CPEB3: variants seen among roughly 807,000 people sequenced by gnomAD.
CPEB3 encodes cytoplasmic polyadenylation element-binding protein 3.
In CPEB3, 20 loss-of-function variants were observed where a neutral mutation model predicts 67.2. The observed-to-expected ratio is 0.30, with a 90% CI of 0.21 to 0.43. The LOEUF is 0.43. Ranked by LOEUF, CPEB3 falls within the 20% of genes least tolerant of loss-of-function variation. CPEB3 has a pLI of 1.00. For missense variants in CPEB3, 746 were observed against 968.6 expected, an observed-to-expected ratio of 0.77 and a Z score of 3.05; for synonymous variants, 376 against 393.1, an observed-to-expected ratio of 0.96 and a Z score of 0.51.
intron 2 of CPEB3, among the ~76,000 whole-genome samples, chr10:92,206,951 GA>G (rs1381171766): frequency 6.6e-6 from 1 of 152,030 alleles, no homozygotes; most frequent in Non-Finnish European, 1.5e-5. Flanking sequence ...TCAGCTTAAT[GA>G]ATAAGAAACA....
At chr10:92,200,909 C>T (rs868082895) in intron 2 of CPEB3, among the ~76,000 whole-genome samples, 7 of 152,112 alleles carry the variant, frequency 4.6e-5, no homozygotes, top group African/African-American at 1.4e-4. Context: ...ACATGGCTCT[C>T]GGAATTACCT....
At chr10:92,120,098 C>CAAAAAAAA (rs34785763) in intron 6 of CPEB3, among the ~76,000 whole-genome samples, 32 of 45,244 alleles carry the variant, frequency 7.1e-4, no homozygotes, top group Admixed American at 9.5e-4. Flanking sequence ...ACTAAAAATA[C>CAAAAAAAA]AAAAAAAAAA....
intron 6 of CPEB3, chr10:92,118,691 T>C (rs1317982560): frequency 2.8e-6 from 2 of 701,896 alleles, no homozygotes; most frequent in South Asian, 1.4e-5. Context: ...TGGTCGACAT[T>C]GCCTCCGAGC....
rs954149380 is a variant in CPEB3, at chr10:92,047,416, T to C, written c.*4796A>G. ...AACCTTGCAAGTAGAGATGTCACAA[T>C]ACTCAAATATTTAGGTAGGAGCTTT... On this transcript the variant is annotated 3_prime_UTR_variant, in exon 10 of 10. Coordinates refer to ENST00000265997, the MANE Select transcript of CPEB3 (RefSeq NM_014912.5). 1.4e-4 allele frequency: 22 copies of C among 152,236 alleles called. No individual in the cohort carries two copies. Among genetic ancestry groups the C allele is most frequent in the African/African-American group, 4.8e-4 (20 of 41,460 alleles). The allele number at this position is 152,236 out of a possible 1,614,324, so 9.4% of individuals were successfully genotyped here. A position where few individuals can be genotyped will look rare whatever the true frequency, so the allele number is the denominator to read the frequency against.
At chr10:92,154,205 A>G (rs541688515) in intron 4 of CPEB3, among the ~76,000 whole-genome samples, 6 of 152,360 alleles carry the variant, frequency 3.9e-5, no homozygotes, top group Admixed American at 2.6e-4. Context: ...AGGAGGACAC[A>G]TATTAAAGCT....
chr10:92,227,816 C>A (rs1401182676), intron 2 of CPEB3, among the ~76,000 whole-genome samples: 1 of 152,160 alleles, frequency 6.6e-6, no homozygotes, highest in African/African-American at 2.4e-5. Flanking sequence ...TGGTCTCGAT[C>A]TCCTGACCTC....
Position 92,052,066 on chromosome 10 carries a change from A to G in CPEB3, c.*146T>C, listed in dbSNP as rs573538302. ...TTCAGTAATATGACTGTAAATAATA[A>G]TAATAATAATAAAAAGACCCAATTC... On this transcript the variant is annotated 3_prime_UTR_variant, in exon 10 of 10. Coordinates refer to ENST00000265997, the MANE Select transcript of CPEB3 (RefSeq NM_014912.5). 1.5e-5 allele frequency: 9 copies of G among 596,636 alleles called. No individual in the cohort carries two copies. Among genetic ancestry groups the G allele is most frequent in the South Asian group, 1.5e-4 (7 of 46,798 alleles). 37.0% of individuals were successfully genotyped at this position (596,636 alleles called of 1,614,324 possible). A position where few individuals can be genotyped will look rare whatever the true frequency, so the allele number is the denominator to read the frequency against.
In CPEB3 at chr10:92,074,905, T is replaced by G. The variant is rs547069527; in HGVS notation, c.1869+6415A>C. ...TAGATGTCCAGTTGAGAGATGACTC[T>G]AGATGTCTAGTATCCAGGCTTCCAT... On this transcript the variant is annotated intron_variant, in intron 9 of 9. Transcript: ENST00000265997. Among the ~76,000 whole-genome samples the G allele has an allele frequency of 9.8e-5, 15 of 152,340 alleles. No individual in the cohort carries two copies. In the South Asian group the frequency reaches 2.7e-3, roughly 27 times the overall value.
intron 9 of CPEB3, among the ~76,000 whole-genome samples, chr10:92,060,468 T>C (rs1842299281): frequency 6.6e-6 from 1 of 152,154 alleles, no homozygotes; most frequent in African/African-American, 2.4e-5. Flanking sequence ...CAAAAATTTC[T>C]TGAGCAAAAC....
chr10:92,108,821 A>ACTAATT (rs1844594620), intron 7 of CPEB3, among the ~76,000 whole-genome samples: 1 of 151,652 alleles, frequency 6.6e-6, no homozygotes, highest in Non-Finnish European at 1.5e-5. Context: ...AAAGTCCTTC[A>ACTAATT]ATCCAAGGAT....
At chr10:92,208,899 CT>C (rs551416976) in intron 2 of CPEB3, among the ~76,000 whole-genome samples, 2 of 151,974 alleles carry the variant, frequency 1.3e-5, no homozygotes, top group Non-Finnish European at 2.9e-5. Context: ...AGCCTGAGAG[CT>C]TTTTTTGACT....
chr10:92,053,721 T>C (rs1842005701), intron 9 of CPEB3, among the ~76,000 whole-genome samples: 1 of 152,188 alleles, frequency 6.6e-6, no homozygotes. Context: ...TTTTGTATTT[T>C]TAGTAGAGAC....
At chr10:92,117,811 C>T (rs1034024876) in intron 6 of CPEB3, among the ~76,000 whole-genome samples, 2 of 152,048 alleles carry the variant, frequency 1.3e-5, no homozygotes, top group African/African-American at 4.8e-5. Context: ...CTATCAGGTA[C>T]TAAATGCTCA....
rs1186163181 is a variant in CPEB3 at position 92,275,837 on chromosome 10, ATTCTT to A, written c.-12+15084_-12+15088del. 2.1e-4 allele frequency among the ~76,000 whole-genome samples: 29 copies of A among 139,346 alleles called. 1 individual carries two copies. The highest frequency in any genetic ancestry group is 4.6e-4 in the South Asian group (2 of 4,392). 91.4% of individuals were successfully genotyped at this position (139,346 alleles called of 152,430 possible). ...ATGTTATAGCATGTATCAGTACTTCATTCTTTTCTTTTTTTTTTTTTTTTTTTTTG... is the reference window on the plus strand; with the variant it reads ...ATGTTATAGCATGTATCAGTACTTCATTCTTTTTTTTTTTTTTTTTTTTTG... On this transcript the variant is annotated intron_variant, in intron 1 of 9. Transcript: ENST00000265997.
At chr10:92,109,838 G>T (rs1317778971) in intron 7 of CPEB3, among the ~76,000 whole-genome samples, 5 of 152,120 alleles carry the variant, frequency 3.3e-5, no homozygotes, top group Non-Finnish European at 7.4e-5. Context: ...GCAAACAGTT[G>T]TAAACCCTGT....
chr10:92,235,054 C>G (rs1851462459), intron 2 of CPEB3, among the ~76,000 whole-genome samples: 1 of 152,138 alleles, frequency 6.6e-6, no homozygotes, highest in South Asian at 2.1e-4. Flanking sequence ...GGGCCTGGCC[C>G]ATAGGTAAAT....
At position 92,111,056 on chromosome 10, in the gene CPEB3, G is replaced by T; in HGVS notation, c.1572+20C>A. The stretch of plus-strand genomic sequence containing the variant: ...GCATATGTGCTCTGGAAAAGCAACA[G>T]CTGGCCATGTATTACTTACTGGCTT... On this transcript the variant is annotated intron_variant, in intron 7 of 9. Coordinates refer to ENST00000265997, the MANE Select transcript of CPEB3 (RefSeq NM_014912.5). 1 of 1,502,444 alleles carries T rather than the reference G, an allele frequency of 6.7e-7. No homozygotes were observed. Among genetic ancestry groups the T allele is most frequent in the Non-Finnish European group, 9.3e-7 (1 of 1,078,102 alleles). The allele number at this position is 1,502,444 out of a possible 1,614,324, so 93.1% of individuals were successfully genotyped here. A position where few individuals can be genotyped will look rare whatever the true frequency, so the allele number is the denominator to read the frequency against.
At chr10:92,278,919 G>T (rs1163717686) in intron 1 of CPEB3, among the ~76,000 whole-genome samples, 2 of 151,780 alleles carry the variant, frequency 1.3e-5, no homozygotes, top group African/African-American at 4.8e-5. Flanking sequence ...GTTCTAACAG[G>T]TGTTTTTATT....
intron 2 of CPEB3, among the ~76,000 whole-genome samples, chr10:92,233,577 A>G (rs75788154): frequency 6.7e-6 from 1 of 148,688 alleles, no homozygotes; most frequent in Admixed American, 6.7e-5. Flanking sequence ...AACTACTTGG[A>G]AAAAAAAAAG....
Sources: allele counts gnomAD v4.1 joint callset (sites outside exome capture counted in the v4.1 genomes callset), GRCh38; gene constraint gnomAD v4.1.1; transcripts MANE v1.5; gene names NCBI Gene and HGNC (gene_info 2026-07-23, HGNC 2026-07-21).